SLC9A9: variants seen among roughly 807,000 people sequenced by gnomAD.
SLC9A9 encodes solute carrier family 9 member A9.
Under a neutral mutation model 77.8 loss-of-function variants are expected in SLC9A9, and 62 were observed. The observed-to-expected ratio is 0.80, with a 90% confidence interval of 0.65 to 0.98. The LOEUF (loss-of-function observed/expected upper bound fraction) is 0.98, where lower values mean the gene tolerates loss of function less well. Ranked by LOEUF, SLC9A9 falls within the 50% of genes least tolerant of loss-of-function variation. SLC9A9 has a pLI of 0.00. For missense variants in SLC9A9, 775 were observed against 774.9 expected (o/e 1.00, Z 0.00); for synonymous variants, 320 against 283.5 (o/e 1.13, Z -1.29).
chr3:143,639,010 T>C (rs1383857380), intron 6 of SLC9A9, among the ~76,000 whole-genome samples: 1 of 152,206 alleles, frequency 6.6e-6, no homozygotes. Flanking sequence ...TTAGAAAAAA[T>C]CCAGACTTGG....
chr3:143,374,522 C>T (rs1483549481), intron 13 of SLC9A9, among the ~76,000 whole-genome samples: 1 of 150,434 alleles, frequency 6.6e-6, no homozygotes, highest in Non-Finnish European at 1.5e-5. Flanking sequence ...AACCATCAAA[C>T]CAGAATTCTA....
chr3:143,748,625 A>C (rs1376084132), intron 4 of SLC9A9, among the ~76,000 whole-genome samples: 1 of 152,144 alleles, frequency 6.6e-6, no homozygotes, highest in African/African-American at 2.4e-5. Flanking sequence ...TTCAAAGGAA[A>C]GAAGAATGTC....
At chr3:143,449,912 T>C (rs1213173302) in intron 12 of SLC9A9, among the ~76,000 whole-genome samples, 1 of 90,934 alleles carries the variant, frequency 1.1e-5, no homozygotes, top group Non-Finnish European at 1.9e-5. Flanking sequence ...TATAATATAA[T>C]ATTACATAAT....
At chr3:143,565,895 A>C (rs940070503) in intron 8 of SLC9A9, among the ~76,000 whole-genome samples, 3 of 152,136 alleles carry the variant, frequency 2.0e-5, no homozygotes, top group African/African-American at 7.2e-5. Flanking sequence ...AAACAATTCA[A>C]ACGAAGTCCC....
intron 5 of SLC9A9, among the ~76,000 whole-genome samples, chr3:143,655,888 G>C (rs1445414304): frequency 1.3e-5 from 2 of 152,188 alleles, no homozygotes; most frequent in Admixed American, 6.5e-5. Flanking sequence ...TTTGATAAAG[G>C]ATGAAGAGAG....
At chr3:143,478,893 G>A (rs765268484) in intron 11 of SLC9A9, among the ~76,000 whole-genome samples, 1 of 152,200 alleles carries the variant, frequency 6.6e-6, no homozygotes, top group African/African-American at 2.4e-5. Context: ...CTATTTGTTT[G>A]CCTCTGTGGA....
At chr3:143,617,912 T>A (rs959038198) in intron 6 of SLC9A9, among the ~76,000 whole-genome samples, 3 of 152,314 alleles carry the variant, frequency 2.0e-5, no homozygotes, top group African/African-American at 4.8e-5. Context: ...ACAAGACTGG[T>A]CTTTTAGAGA....
At chr3:143,750,932 G>A (rs1576701479) in intron 4 of SLC9A9, among the ~76,000 whole-genome samples, 2 of 152,222 alleles carry the variant, frequency 1.3e-5, no homozygotes, top group South Asian at 4.2e-4. Flanking sequence ...CTTTAATTAT[G>A]TGATTAGATA....
At chr3:143,367,866 G>A (rs992101440) in intron 13 of SLC9A9, among the ~76,000 whole-genome samples, 6 of 152,144 alleles carry the variant, frequency 3.9e-5, no homozygotes, top group African/African-American at 1.4e-4. Flanking sequence ...GGGATGTGGT[G>A]TGCATGTTAG....
At chr3:143,727,785 A>G (rs747806559) in intron 4 of SLC9A9, among the ~76,000 whole-genome samples, 2 of 152,258 alleles carry the variant, frequency 1.3e-5, no homozygotes, top group Non-Finnish European at 2.9e-5. Flanking sequence ...TGACCCATCT[A>G]TACTTGGGCT....
At chr3:143,716,109 C>A (rs1193191446) in intron 4 of SLC9A9, among the ~76,000 whole-genome samples, 2 of 152,198 alleles carry the variant, frequency 1.3e-5, no homozygotes, top group Non-Finnish European at 2.9e-5. Flanking sequence ...GAATCTTACT[C>A]TGTTGCCCAG....
In SLC9A9 at chr3:143,832,229, A is replaced by G; in HGVS notation, c.176-8T>C. On this transcript the variant is annotated splice_region_variant and splice_polypyrimidine_tract_variant and intron_variant, in intron 1 of 15. Transcript: ENST00000316549. ...TTAGTCCCATTATAAGGCCTAAAAA[A>G]AAAAGAATAAATAATGGTACTGGAG... 1 of 1,607,744 alleles carries G rather than the reference A, an allele frequency of 6.2e-7. No individual in the cohort carries two copies. Among genetic ancestry groups the G allele is most frequent in the Non-Finnish European group, 8.5e-7 (1 of 1,177,366 alleles).
chr3:143,601,892 C>T (rs1317898367), intron 6 of SLC9A9, among the ~76,000 whole-genome samples: 2 of 151,084 alleles, frequency 1.3e-5, no homozygotes, highest in African/African-American at 2.4e-5. Context: ...GTTCCAACAT[C>T]CCCCCTCTAC....
At chr3:143,622,212 C>A (rs1283671861) in intron 6 of SLC9A9, among the ~76,000 whole-genome samples, 1 of 152,208 alleles carries the variant, frequency 6.6e-6, no homozygotes, top group Non-Finnish European at 1.5e-5. Context: ...TCCAGGAGAA[C>A]TTCCCCAATC....
chr3:143,279,447 T>G (rs1317729679), intron 14 of SLC9A9, among the ~76,000 whole-genome samples: 1 of 152,232 alleles, frequency 6.6e-6, no homozygotes, highest in African/African-American at 2.4e-5. Flanking sequence ...CTTTAAGTTC[T>G]GGGATTCATG....
intron 14 of SLC9A9, among the ~76,000 whole-genome samples, chr3:143,311,977 T>C (rs1308163475): frequency 6.6e-6 from 1 of 152,238 alleles, no homozygotes; most frequent in South Asian, 2.1e-4. Context: ...TTTTGTGAGA[T>C]AGAAACATTC....
chr3:143,776,053 C>T (rs745606145), intron 4 of SLC9A9, among the ~76,000 whole-genome samples: 9 of 152,200 alleles, frequency 5.9e-5, no homozygotes, highest in East Asian at 3.9e-4. Flanking sequence ...AAGAAATGTA[C>T]GTGTTCTTAT....
At position 143,707,369 on chromosome 3, in the gene SLC9A9, T is replaced by TACACACACAC. The variant is rs67386185; in HGVS notation, c.534-14072_534-14063dup. On this transcript the variant is annotated intron_variant, in intron 4 of 15. Transcript: ENST00000316549. ...AGTACATTTTATATATTTTAAAATC[T>TACACACACAC]ACACACACACACACACACACACACA... Among the ~76,000 whole-genome samples, 947 of 149,228 alleles carry TACACACACAC rather than the reference T, an allele frequency of 6.3e-3. 9 individuals carry two copies. The highest frequency in any genetic ancestry group is 0.022 in the African/African-American group (897 of 40,398).
At chr3:143,294,303 TGAGG>T (rs1222799823) in intron 14 of SLC9A9, among the ~76,000 whole-genome samples, 2 of 152,190 alleles carry the variant, frequency 1.3e-5, no homozygotes, top group African/African-American at 4.8e-5. Flanking sequence ...TTTAGGCAAC[TGAGG>T]GAGGAAGGGG....
Sources: allele counts gnomAD v4.1 joint callset (sites outside exome capture counted in the v4.1 genomes callset), GRCh38; gene constraint gnomAD v4.1.1; transcripts MANE v1.5; gene names NCBI Gene and HGNC (gene_info 2026-07-23, HGNC 2026-07-21).